The following ZCWPW2 variants were observed in gnomAD, a reference collection of about 807,000 sequenced individuals.
ZCWPW2 encodes the protein zinc finger CW-type and PWWP domain containing 2.
Under a neutral mutation model 46.6 loss-of-function variants are expected in ZCWPW2, and 45 were observed. That is an observed-to-expected ratio of 0.96 (90% CI 0.76 to 1.24). The LOEUF (loss-of-function observed/expected upper bound fraction) is 1.24, where lower values mean the gene tolerates loss of function less well. ZCWPW2 is among the 50% of genes most tolerant of loss of function. ZCWPW2 has a pLI of 0.00. For synonymous variants in ZCWPW2, 152 were observed against 137.1 expected, an observed-to-expected ratio of 1.11 and a Z score of -0.76; for missense variants, 429 against 403.9, an observed-to-expected ratio of 1.06 and a Z score of -0.53.
At chr3:28,493,095 C>CTTTTTTTTTTTTTTTTTGGTTTTTT (rs11426111) in intron 6 of ZCWPW2, among the ~76,000 whole-genome samples, 1 of 77,068 alleles carries the variant, frequency 1.3e-5, no homozygotes, top group African/African-American at 5.0e-5. Context: ...CTTGGCTTTT[C>CTTTTTTTTTTTTTTTTTGGTTTTTT]TTTTTTTTTT....
chr3:28,501,528 A>C (rs1700142995), intron 6 of ZCWPW2, among the ~76,000 whole-genome samples: 1 of 152,192 alleles, frequency 6.6e-6, no homozygotes, highest in Admixed American at 6.6e-5. Context: ...ACTTGACTCA[A>C]CTTTTTCATA....
intron 1 of ZCWPW2, among the ~76,000 whole-genome samples, chr3:28,389,370 A>G (rs1003790847): frequency 6.6e-6 from 1 of 152,182 alleles, no homozygotes; most frequent in Non-Finnish European, 1.5e-5. Flanking sequence ...AACATGAGGA[A>G]GAACCATCCA....
chr3:28,436,329 T>TTC (rs1553636391), intron 4 of ZCWPW2, among the ~76,000 whole-genome samples: 2 of 145,126 alleles, frequency 1.4e-5, no homozygotes, highest in African/African-American at 2.6e-5. Context: ...TTTTCTTTTT[T>TTC]TTTTTTTTTT....
At chr3:28,478,048 T>TA (rs1342020465) in intron 4 of ZCWPW2, among the ~76,000 whole-genome samples, 2 of 152,142 alleles carry the variant, frequency 1.3e-5, no homozygotes, top group Non-Finnish European at 2.9e-5. Context: ...TAAAATAACT[T>TA]ACTGAGTTCT....
At chr3:28,390,918 C>T (rs1242921072) in intron 2 of ZCWPW2, among the ~76,000 whole-genome samples, 1 of 151,966 alleles carries the variant, frequency 6.6e-6, no homozygotes, top group African/African-American at 2.4e-5. Flanking sequence ...CAACATTTGC[C>T]AAAGGGAATT....
chr3:28,436,753 T>A (rs1697517717), intron 4 of ZCWPW2, among the ~76,000 whole-genome samples: 4 of 152,204 alleles, frequency 2.6e-5, no homozygotes. Flanking sequence ...GTCATCGTTA[T>A]ACGAGGCATC....
intron 4 of ZCWPW2, among the ~76,000 whole-genome samples, chr3:28,469,333 A>G (rs1698948359): frequency 6.6e-6 from 1 of 152,136 alleles, no homozygotes; most frequent in East Asian, 1.9e-4. Context: ...CAACCAGAAA[A>G]CAAATAACAA....
At chr3:28,444,851 C>A (rs544140378) in intron 4 of ZCWPW2, among the ~76,000 whole-genome samples, 4 of 152,118 alleles carry the variant, frequency 2.6e-5, no homozygotes, top group Non-Finnish European at 5.9e-5. Context: ...TATGGTCAAA[C>A]GTATTATGTA....
At chr3:28,374,195 A>G (rs996684500) in intron 1 of ZCWPW2, among the ~76,000 whole-genome samples, 4 of 152,050 alleles carry the variant, frequency 2.6e-5, no homozygotes, top group African/African-American at 9.7e-5. Flanking sequence ...CACTAATTTT[A>G]TTCTTTTGCA....
chr3:28,475,044 A>C (rs1699189776), intron 4 of ZCWPW2, among the ~76,000 whole-genome samples: 1 of 151,924 alleles, frequency 6.6e-6, no homozygotes, highest in Non-Finnish European at 1.5e-5. Context: ...GGGTTTCACC[A>C]TGTTGCCTAA....
chr3:28,428,172 A>G (rs1697097622), intron 3 of ZCWPW2: 1 of 152,402 alleles, frequency 6.6e-6, no homozygotes, highest in Non-Finnish European at 1.5e-5. Flanking sequence ...ACAATGAGAT[A>G]CTGTGGTGTG....
At chr3:28,356,554 CAT>C (rs1202119479) in intron 1 of ZCWPW2, among the ~76,000 whole-genome samples, 6 of 152,206 alleles carry the variant, frequency 3.9e-5, no homozygotes, top group Non-Finnish European at 5.9e-5. Context: ...CACATGCACA[CAT>C]ATGTTTGTTG....
At chr3:28,436,073 T>A (rs1697477327) in intron 4 of ZCWPW2, among the ~76,000 whole-genome samples, 2 of 152,158 alleles carry the variant, frequency 1.3e-5, no homozygotes, top group Non-Finnish European at 2.9e-5. Flanking sequence ...ATTAGATTAG[T>A]GTAAAAGTAA....
rs549322288 is a variant in ZCWPW2, at chr3:28,471,643, T to C, written c.493-7171T>C. On this transcript the variant is annotated intron_variant, in intron 4 of 9. Coordinates refer to ENST00000383768, the MANE Select transcript of ZCWPW2 (RefSeq NM_001040432.4). Reference sequence around the variant, plus strand: ...GACACACAGCTGGTATGTATCATACTGAATGGGGAAAAACTGAAAGCCGTT... The same window carrying C: ...GACACACAGCTGGTATGTATCATACCGAATGGGGAAAAACTGAAAGCCGTT... Among the ~76,000 whole-genome samples the C allele has an allele frequency of 1.6e-4, 24 of 152,250 alleles. No homozygotes were observed. The South Asian group carries it at 5.0e-3, about 32-fold the overall frequency.
chr3:28,400,088 ACAAT>A (rs1006849380), intron 2 of ZCWPW2, among the ~76,000 whole-genome samples: 6 of 152,184 alleles, frequency 3.9e-5, no homozygotes, highest in African/African-American at 1.4e-4. Flanking sequence ...AAACAAAAAA[ACAAT>A]CAAAACTTCA....
At chr3:28,404,655 A>C (rs1036811407) in intron 2 of ZCWPW2, among the ~76,000 whole-genome samples, 2 of 152,228 alleles carry the variant, frequency 1.3e-5, no homozygotes, top group African/African-American at 2.4e-5. Context: ...GTGGATAAAG[A>C]AACAAGAAAC....
intron 8 of ZCWPW2, among the ~76,000 whole-genome samples, chr3:28,519,088 G>C (rs1300541491): frequency 6.6e-6 from 1 of 152,162 alleles, no homozygotes; most frequent in African/African-American, 2.4e-5. Flanking sequence ...TATACTTTGT[G>C]TTCTTAGGCC....
intron 1 of ZCWPW2, among the ~76,000 whole-genome samples, chr3:28,358,732 A>G (rs1237895124): frequency 5.3e-5 from 8 of 152,114 alleles, no homozygotes; most frequent in Non-Finnish European, 4.4e-5. Flanking sequence ...GTTTTTCTCC[A>G]TAGACCATCC....
intron 1 of ZCWPW2, among the ~76,000 whole-genome samples, chr3:28,385,736 C>T (rs1442431824): frequency 1.3e-5 from 2 of 152,138 alleles, no homozygotes; most frequent in Non-Finnish European, 2.9e-5. Flanking sequence ...GGAGGCTAGC[C>T]TGCAGGGGAC....
Sources: allele counts gnomAD v4.1 joint callset (sites outside exome capture counted in the v4.1 genomes callset), GRCh38; gene constraint gnomAD v4.1.1; transcripts MANE v1.5; gene names NCBI Gene and HGNC (gene_info 2026-07-23, HGNC 2026-07-21).